Variants in PIP4P2 observed in about 807,000 individuals in gnomAD.
The protein encoded by PIP4P2 is phosphatidylinositol-4,5-bisphosphate 4-phosphatase 2.
Under a neutral mutation model 33.3 loss-of-function variants are expected in PIP4P2, and 19 were observed. That is an observed-to-expected ratio of 0.57 (90% CI 0.40 to 0.84). The LOEUF is 0.84. Ranked by LOEUF, PIP4P2 falls within the 40% of genes least tolerant of loss-of-function variation. The pLI is 0.00. For missense variants in PIP4P2, 270 were observed against 324.7 expected (o/e 0.83, Z 1.29); for synonymous variants, 110 against 111.9 (o/e 0.98, Z 0.11).
Position 91,014,758 on chromosome 8 carries a change from G to GACACACACAC in PIP4P2, c.486+3622_486+3631dup, listed in dbSNP as rs142952434. The stretch of plus-strand genomic sequence containing the variant: ...AGATCTTTAGTATTCTTACCACAAA[G>GACACACACAC]ACACACACACACACACACACACACA... On this transcript the variant is annotated intron_variant, in intron 4 of 6. Coordinates refer to ENST00000285419, the MANE Select transcript of PIP4P2 (RefSeq NM_018710.3). 9.2e-3 allele frequency among the ~76,000 whole-genome samples: 1,318 copies of GACACACACAC among 142,722 alleles called. 14 individuals carry two copies. The highest frequency in any genetic ancestry group is 0.041 in the East Asian group (196 of 4,802). 93.6% of individuals were successfully genotyped at this position (142,722 alleles called of 152,430 possible). A position where few individuals can be genotyped will look rare whatever the true frequency, so the allele number is the denominator to read the frequency against.
At chr8:91,007,225 T>C (rs970850109) in intron 5 of PIP4P2, among the ~76,000 whole-genome samples, 15 of 152,148 alleles carry the variant, frequency 9.9e-5, no homozygotes, top group Non-Finnish European at 1.6e-4. Context: ...CAGACTTCTA[T>C]TGGATTCAGT....
chr8:91,022,335 G>C (rs1359162058), intron 1 of PIP4P2, among the ~76,000 whole-genome samples: 1 of 152,088 alleles, frequency 6.6e-6, no homozygotes, highest in East Asian at 1.9e-4. Flanking sequence ...GTGAAGGGTG[G>C]AGGCCCACTT....
intron 1 of PIP4P2, among the ~76,000 whole-genome samples, chr8:91,030,348 C>A (rs1812146969): frequency 6.6e-6 from 1 of 152,000 alleles, no homozygotes; most frequent in South Asian, 2.1e-4. Flanking sequence ...CAGGATTCTT[C>A]CTATTAATAT....
intron 5 of PIP4P2, 96 bp downstream of exon 5, chr8:91,008,647 T>C: frequency 8.7e-7 from 1 of 1,145,032 alleles, no homozygotes; most frequent in East Asian, 2.4e-5. Flanking sequence ...CTCCACAGCA[T>C]GTTTTAAAAT....
chr8:91,026,764 T>G (rs1454942264), intron 1 of PIP4P2, among the ~76,000 whole-genome samples: 1 of 152,148 alleles, frequency 6.6e-6, no homozygotes, highest in Non-Finnish European at 1.5e-5. Context: ...GAGAAGTGGT[T>G]TGGTGAACTT....
At chr8:90,995,847 A>G (rs1169948642) in intron 6 of PIP4P2, 27 bp from the exon 7 acceptor site, 3 of 1,577,260 alleles carry the variant, frequency 1.9e-6, no homozygotes, top group Admixed American at 3.9e-5. Flanking sequence ...TATAAAAACA[A>G]AATATTAGAA....
intron 1 of PIP4P2, among the ~76,000 whole-genome samples, chr8:91,032,317 G>A (rs913840291): frequency 1.3e-4 from 20 of 152,208 alleles, no homozygotes; most frequent in African/African-American, 4.6e-4. Context: ...ATCTAGAAAA[G>A]TTCAAAAGCA....
At chr8:91,016,607 A>G (rs1026686868) in intron 4 of PIP4P2, 37 of 152,196 alleles carry the variant, frequency 2.4e-4, no homozygotes, top group African/African-American at 8.4e-4. Flanking sequence ...AAAACCACTT[A>G]AGAGAAAAAG....
At position 90,994,067 on chromosome 8, in the gene PIP4P2, G is replaced by A. The variant is rs1310805070; in HGVS notation, c.*1610C>T. The A allele has an allele frequency of 6.6e-6, 1 of 152,046 alleles. No homozygotes were observed. The highest frequency in any genetic ancestry group is 6.6e-5 in the Admixed American group (1 of 15,260). 9.4% of individuals were successfully genotyped at this position (152,046 alleles called of 1,614,324 possible). Reference sequence around the variant, plus strand: ...AGTTAACCATTAGGAAAAGAAGTAAGATTATTTTATACCTAACATCAAGTG... The same window carrying A: ...AGTTAACCATTAGGAAAAGAAGTAAAATTATTTTATACCTAACATCAAGTG... On this transcript the variant is annotated 3_prime_UTR_variant, in exon 7 of 7. Transcript: ENST00000285419.
intron 5 of PIP4P2, 32 bp downstream of exon 5, chr8:91,008,711 C>A: frequency 6.3e-7 from 1 of 1,599,054 alleles, no homozygotes; most frequent in South Asian, 1.1e-5. Context: ...TCAAGTATTT[C>A]TCAATAATAT....
chr8:91,031,616 T>A (rs1220672319), intron 1 of PIP4P2, among the ~76,000 whole-genome samples: 1 of 152,212 alleles, frequency 6.6e-6, no homozygotes, highest in Non-Finnish European at 1.5e-5. Flanking sequence ...ATGCTTAGAA[T>A]AAAATGCCCT....
At chr8:91,020,672 C>T (rs1811995908) in intron 2 of PIP4P2, among the ~76,000 whole-genome samples, 1 of 152,054 alleles carries the variant, frequency 6.6e-6, no homozygotes, top group South Asian at 2.1e-4. Flanking sequence ...AGTTGCTCCC[C>T]AAAGCTCAAT....
At chr8:91,028,320 C>T (rs1021520748) in intron 1 of PIP4P2, among the ~76,000 whole-genome samples, 18 of 152,194 alleles carry the variant, frequency 1.2e-4, no homozygotes, top group Non-Finnish European at 2.4e-4. Flanking sequence ...GTAGGTTCAA[C>T]GTGTACTGTA....
intron 1 of PIP4P2, among the ~76,000 whole-genome samples, chr8:91,034,558 G>T (rs906172197): frequency 2.6e-5 from 4 of 152,142 alleles, no homozygotes; most frequent in African/African-American, 9.7e-5. Flanking sequence ...AGCACAATAG[G>T]CTTCTCATAT....
At position 90,995,623 on chromosome 8, in the gene PIP4P2, G is replaced by A. The variant is rs1184600279; in HGVS notation, c.*54C>T. On this transcript the variant is annotated 3_prime_UTR_variant, in exon 7 of 7. Transcript: ENST00000285419. ...AAATAATTTAAAGATGTCCAGAGTAGCTTACCAAGAACTGCTAGACACTCT... is the reference window on the plus strand; with the variant it reads ...AAATAATTTAAAGATGTCCAGAGTAACTTACCAAGAACTGCTAGACACTCT... 1 of 1,561,484 alleles carries A rather than the reference G, an allele frequency of 6.4e-7. No individual in the cohort carries two copies. The highest frequency in any genetic ancestry group is 1.4e-5 in the African/African-American group (1 of 72,194).
rs139093742 is a variant in PIP4P2 at position 91,009,021 on chromosome 8, A to G, written c.487-226T>C. The stretch of plus-strand genomic sequence containing the variant: ...ATGACTTTTCCAATGCTCTGACGCA[A>G]TCTAGGTTTGCTTTACATGAATACT... On this transcript the variant is annotated intron_variant, in intron 4 of 6. Coordinates refer to ENST00000285419, the MANE Select transcript of PIP4P2 (RefSeq NM_018710.3). 1.2e-4 allele frequency among the ~76,000 whole-genome samples: 18 copies of G among 152,228 alleles called. No individual in the cohort carries two copies. In the East Asian group the frequency reaches 3.5e-3, roughly 29 times the overall value.
intron 3 of PIP4P2, 111 bp from the exon 4 acceptor site, chr8:91,018,624 G>A: frequency 1.3e-6 from 2 of 1,505,406 alleles, no homozygotes; most frequent in Non-Finnish European, 1.8e-6. Context: ...CATAAATTAA[G>A]TGAATTAAAT....
At chr8:91,021,518 A>C in intron 1 of PIP4P2, 114 bp from the exon 2 acceptor site, 1 of 1,295,658 alleles carries the variant, frequency 7.7e-7, no homozygotes, top group Admixed American at 2.5e-5. Flanking sequence ...ACGTTCTTTT[A>C]TTTATTTTTC....
chr8:91,018,120 A>C (rs1393810989), intron 4 of PIP4P2, among the ~76,000 whole-genome samples: 3 of 152,158 alleles, frequency 2.0e-5, no homozygotes, highest in Non-Finnish European at 4.4e-5. Flanking sequence ...CAAGATACTC[A>C]TGGAACTAAG....
Sources: gnomAD v4.1 joint callset for allele counts (sites outside exome capture counted in the v4.1 genomes callset) on GRCh38, gnomAD v4.1.1 for gene constraint, MANE v1.5 for transcripts, NCBI Gene and HGNC (gene_info 2026-07-23, HGNC 2026-07-21) for gene names.